The following CDH1 variants were observed in gnomAD, a reference collection of about 807,000 sequenced individuals.
CDH1 encodes cadherin 1.
CDH1 carries 35 observed loss-of-function variants against 84.5 expected under a neutral mutation model. That is an observed-to-expected ratio of 0.41 (90% confidence interval 0.32 to 0.55). The LOEUF is 0.55. Ranked by LOEUF, CDH1 falls within the 20% of genes least tolerant of loss-of-function variation. CDH1 has a pLI of 0.19. For missense variants in CDH1, 994 were observed against 1,126.6 expected (o/e 0.88, Z 1.68); for synonymous variants, 417 against 439.0 (o/e 0.95, Z 0.63).
chr16:68,764,418 A>C (rs1182679053), intron 2 of CDH1, among the ~76,000 whole-genome samples: 1 of 152,194 alleles, frequency 6.6e-6, no homozygotes, highest in Non-Finnish European at 1.5e-5. Flanking sequence ...CTCTACTAAA[A>C]ATACAAAAAT....
chr16:68,781,793 T>C (rs186820775), intron 2 of CDH1, among the ~76,000 whole-genome samples: 2 of 152,226 alleles, frequency 1.3e-5, no homozygotes, highest in Admixed American at 6.5e-5. Context: ...TTTAATCCCT[T>C]TGGGATCTGA....
At chr16:68,782,485 C>T (rs777321275) in intron 2 of CDH1, among the ~76,000 whole-genome samples, 3 of 152,198 alleles carry the variant, frequency 2.0e-5, no homozygotes, top group Non-Finnish European at 4.4e-5. Flanking sequence ...AAGACTCAAG[C>T]GTTTAACTTT....
intron 3 of CDH1, among the ~76,000 whole-genome samples, chr16:68,802,637 A>AT (rs1442232790): frequency 6.6e-6 from 1 of 151,944 alleles, no homozygotes; most frequent in Non-Finnish European, 1.5e-5. Context: ...TACCCGGCTA[A>AT]TTTTTGTATT....
intron 13 of CDH1, among the ~76,000 whole-genome samples, chr16:68,827,508 CT>C (rs1286379873): frequency 6.6e-6 from 1 of 151,790 alleles, no homozygotes; most frequent in Non-Finnish European, 1.5e-5. Flanking sequence ...AAATGTAACC[CT>C]TGTGTTAAGC....
At chr16:68,764,432 C>T (rs1959312316) in intron 2 of CDH1, among the ~76,000 whole-genome samples, 1 of 152,130 alleles carries the variant, frequency 6.6e-6, no homozygotes, top group Non-Finnish European at 1.5e-5. Flanking sequence ...CAAAAATTAG[C>T]CAGGTATGGT....
chr16:68,798,090 A>AG (rs1009606697), intron 2 of CDH1, among the ~76,000 whole-genome samples: 2 of 149,384 alleles, frequency 1.3e-5, no homozygotes, highest in Non-Finnish European at 3.0e-5. Context: ...AAAAAAAAAA[A>AG]GACTTTCCCA....
At chr16:68,789,485 T>C (rs936522013) in intron 2 of CDH1, among the ~76,000 whole-genome samples, 9 of 151,756 alleles carry the variant, frequency 5.9e-5, no homozygotes, top group Non-Finnish European at 1.0e-4. Flanking sequence ...TCTGCAAGGA[T>C]GGGCTTGTGA....
At chr16:68,819,789 C>A (rs990992573) in intron 11 of CDH1, among the ~76,000 whole-genome samples, 1 of 152,164 alleles carries the variant, frequency 6.6e-6, no homozygotes, top group African/African-American at 2.4e-5. Context: ...TGAGAACATG[C>A]AGTATTTCTC....
At chr16:68,765,852 T>C (rs1959364246) in intron 2 of CDH1, among the ~76,000 whole-genome samples, 1 of 152,218 alleles carries the variant, frequency 6.6e-6, no homozygotes, top group African/African-American at 2.4e-5. Context: ...TTCTCCTATG[T>C]GTCAAATAAT....
In CDH1 at chr16:68,834,516, C is replaced by T. The variant is rs1443131617; in HGVS notation, c.*1017C>T. On this transcript the variant is annotated 3_prime_UTR_variant, in exon 16 of 16. Coordinates refer to ENST00000261769, the MANE Select transcript of CDH1 (RefSeq NM_004360.5). The stretch of plus-strand genomic sequence containing the variant: ...GTGGGCATGAGCTGCTGTGCCCAGC[C>T]TCCATGTTTTAATATCAACTCTCAC... 1 of 271,792 alleles carries T rather than the reference C, an allele frequency of 3.7e-6. No individual in the cohort carries two copies. The highest frequency in any genetic ancestry group is 7.1e-6 in the Non-Finnish European group (1 of 140,020). 16.8% of individuals were successfully genotyped at this position (271,792 alleles called of 1,614,324 possible).
chr16:68,792,507 A>G (rs1345722709), intron 2 of CDH1, among the ~76,000 whole-genome samples: 1 of 152,222 alleles, frequency 6.6e-6, no homozygotes, highest in Non-Finnish European at 1.5e-5. Flanking sequence ...TATAGGCGTG[A>G]GCCAGTACGC....
At chr16:68,757,920 T>C (rs1963056771) in intron 2 of CDH1, among the ~76,000 whole-genome samples, 2 of 150,016 alleles carry the variant, frequency 1.3e-5, no homozygotes, top group Non-Finnish European at 3.0e-5. Context: ...CACCTCAGCC[T>C]CCCAAGTAGC....
chr16:68,816,499 A>T (rs1320929433), intron 10 of CDH1, among the ~76,000 whole-genome samples: 1 of 152,176 alleles, frequency 6.6e-6, no homozygotes, highest in Non-Finnish European at 1.5e-5. Flanking sequence ...TAATCCCAAA[A>T]CTTAGGGAGG....
intron 15 of CDH1, among the ~76,000 whole-genome samples, chr16:68,831,117 C>G (rs1226840095): frequency 8.2e-6 from 1 of 122,436 alleles, no homozygotes; most frequent in East Asian, 2.4e-4. Flanking sequence ...CTTGCTCTGT[C>G]GCCCAGGCTG....
intron 1 of CDH1, among the ~76,000 whole-genome samples, chr16:68,737,775 G>T (rs1962440721): frequency 6.6e-6 from 1 of 152,158 alleles, no homozygotes; most frequent in African/African-American, 2.4e-5. Context: ...GTAGGGGGTG[G>T]GGTGTGGAGA....
At chr16:68,774,980 G>T (rs1224282278) in intron 2 of CDH1, among the ~76,000 whole-genome samples, 1 of 152,034 alleles carries the variant, frequency 6.6e-6, no homozygotes, top group Non-Finnish European at 1.5e-5. Context: ...GTACAATGAA[G>T]CCAAGCATGG....
At chr16:68,790,144 G>T (rs1960169483) in intron 2 of CDH1, among the ~76,000 whole-genome samples, 1 of 152,122 alleles carries the variant, frequency 6.6e-6, no homozygotes, top group Non-Finnish European at 1.5e-5. Context: ...AGGCATTTTG[G>T]TGCATGCTTT....
chr16:68,778,278 C>T (rs1202423573), intron 2 of CDH1, among the ~76,000 whole-genome samples: 1 of 151,946 alleles, frequency 6.6e-6, no homozygotes, highest in Non-Finnish European at 1.5e-5. Context: ...GAATTCCTGA[C>T]CTTGTGATCC....
intron 6 of CDH1, 59 bp downstream of exon 6, chr16:68,810,400 A>C (rs2152131305): frequency 6.5e-7 from 1 of 1,542,680 alleles, no homozygotes; most frequent in Non-Finnish European, 9.0e-7. Flanking sequence ...TTTGGACCCC[A>C]AAGTGTTGTC....
Sources: gnomAD v4.1 joint callset for allele counts (sites outside exome capture counted in the v4.1 genomes callset) on GRCh38, gnomAD v4.1.1 for gene constraint, MANE v1.5 for transcripts, NCBI Gene and HGNC (gene_info 2026-07-23, HGNC 2026-07-21) for gene names.